NOD2: variants seen among roughly 807,000 people sequenced by gnomAD.
NOD2 encodes nucleotide binding oligomerization domain containing 2, also known as nucleotide-binding oligomerization domain-containing protein 2.
NOD2 carries 86 observed loss-of-function variants against 90.9 expected under a neutral mutation model. The observed-to-expected ratio is 0.95, with a 90% CI of 0.79 to 1.13. NOD2 has a LOEUF of 1.13. Among genes scored for constraint, NOD2 ranks in the 50% most tolerant of loss-of-function variants. NOD2 has a pLI of 0.00. For missense variants in NOD2, 1,238 were observed against 1,283.8 expected (o/e 0.96, Z 0.55); for synonymous variants, 581 against 554.6 (o/e 1.05, Z -0.67).
In NOD2 at chr16:50,732,454, C is replaced by T. The variant is rs1458525877; in HGVS notation, c.*635C>T. On this transcript the variant is annotated 3_prime_UTR_variant, in exon 12 of 12. Transcript: ENST00000647318. Reference sequence around the variant, plus strand: ...AGGGTGGGAAGGGCTACACCTTAGCCTGCCCTCCTTTCCGGTGTTTAAGAC... The same window carrying T: ...AGGGTGGGAAGGGCTACACCTTAGCTTGCCCTCCTTTCCGGTGTTTAAGAC... 1 of 156,008 alleles carries T rather than the reference C, an allele frequency of 6.4e-6. No individual in the cohort carries two copies. Among genetic ancestry groups the T allele is most frequent in the African/African-American group, 2.4e-5 (1 of 41,474 alleles). The allele number at this position is 156,008 out of a possible 1,614,324, so 9.7% of individuals were successfully genotyped here. A position where few individuals can be genotyped will look rare whatever the true frequency, so the allele number is the denominator to read the frequency against.
chr16:50,711,066 G>T lies in NOD2; in HGVS notation c.1074G>T (p.Lys358Asn). 6.2e-7 allele frequency: 1 copy of T among 1,614,190 alleles called. No individual in the cohort carries two copies. The highest frequency in any genetic ancestry group is 8.5e-7 in the Non-Finnish European group (1 of 1,180,024). ...CCTTTGATGGCTTTGACGAGTTCAA[G>T]TTCAGGTTCACGGATCGTGAACGCC... ...LLTFDGFDEF[K>N]FRFTDRERHC... Residue 358 changes from lysine (K) to asparagine (N), a missense_variant, in exon 4 of 12, where the codon AAG (lysine) becomes AAT (asparagine). Around this residue, in one of 3 missense-constraint regions of NOD2, gnomAD observed 567 missense variants for 577.3 expected, o/e 0.98. Transcript: ENST00000647318.
chr16:50,705,145 T>C (rs1026058527), intron 2 of NOD2, among the ~76,000 whole-genome samples: 2 of 152,258 alleles, frequency 1.3e-5, no homozygotes, highest in Admixed American at 1.3e-4. Flanking sequence ...AGCTCTATCT[T>C]TAAACTCTTG....
At chr16:50,731,702 TAATTTTGTCCTCAC>T in intron 11 of NOD2, 31 bp from the exon 12 acceptor site, 2 of 1,347,170 alleles carry the variant, frequency 1.5e-6, no homozygotes, top group Non-Finnish European at 2.1e-6. Flanking sequence ...AGCCCTGCTC[TAATTTTGTCCTCAC>T]TCAAACCTCT....
intron 2 of NOD2, among the ~76,000 whole-genome samples, chr16:50,701,594 C>T (rs1963941270): frequency 1.3e-5 from 2 of 152,206 alleles, no homozygotes; most frequent in South Asian, 4.1e-4. Flanking sequence ...GGAATTGAAT[C>T]AGCCCATCTG....
chr16:50,727,499 C>A, intron 10 of NOD2: 1 of 234,142 alleles, frequency 4.3e-6, no homozygotes, highest in Non-Finnish European at 8.6e-6. Context: ...TTTGTTTATT[C>A]CTGTAGCATA....
intron 3 of NOD2, among the ~76,000 whole-genome samples, chr16:50,708,455 C>T (rs1054415607): frequency 2.6e-5 from 4 of 152,092 alleles, no homozygotes; most frequent in African/African-American, 9.7e-5. Context: ...ACATACCAGG[C>T]ATCCTGCCAG....
chr16:50,731,201 A>G (rs1236369986), intron 11 of NOD2, among the ~76,000 whole-genome samples: 2 of 152,172 alleles, frequency 1.3e-5, no homozygotes, highest in African/African-American at 2.4e-5. Flanking sequence ...TCAAAAATCT[A>G]TGCTGTGATG....
At position 50,699,646 on chromosome 16, in the gene NOD2, G is replaced by A; in HGVS notation, c.151G>A (p.Gly51Ser). 2 of 1,614,102 alleles carry A rather than the reference G, an allele frequency of 1.2e-6. No homozygotes were observed. The highest frequency in any genetic ancestry group is 1.1e-5 in the South Asian group (1 of 91,084). ...GGACTACGAGGGCTTCCACCTCCTG[G>A]GCCAGCCTCTCTCCCACTTGGCCAG... ...WEDYEGFHLL[G>S]QPLSHLARRL... is the part of the protein sequence containing the mutation. The change falls in exon 2 of 12, where the codon GGC becomes AGC. Residue 51 changes from glycine (G) to serine (S), a missense_variant. Coordinates refer to ENST00000647318, the MANE Select transcript of NOD2 (RefSeq NM_001370466.1).
In NOD2 at chr16:50,711,322, C is replaced by T. The variant is rs1078327; in HGVS notation, c.1330C>T (p.Arg444Cys). The change falls in exon 4 of 12, where the codon CGC becomes TGC. Residue 444 changes from arginine (R) to cysteine (C), a missense_variant. Around this residue, in one of 3 missense-constraint regions of NOD2, gnomAD observed 567 missense variants for 577.3 expected, o/e 0.98. Transcript: ENST00000647318. ...GCCCGGGGTGGCGGACCGCCTCATC[C>T]GCCTGCTCCAAGAGACCTCAGCCCT... is the stretch of plus-strand genomic sequence containing the variant. ...HEPGVADRLI[R>C]LLQETSALHG... 997 of 1,613,704 alleles carry T rather than the reference C, an allele frequency of 6.2e-4. 11 individuals are homozygous for T. In the East Asian group the frequency reaches 0.016, roughly 26 times the overall value.
rs745540141 is a variant in NOD2 at position 50,711,154 on chromosome 16, C to G, written c.1162C>G (p.Leu388Val). The G allele has an allele frequency of 1.9e-6, 3 of 1,614,168 alleles. No individual in the cohort carries two copies. In the South Asian group the frequency reaches 3.3e-5, roughly 18 times the overall value. ...GCTCTTCAACCTTCTGCAGGGCAAC[C>G]TGCTGAAGAATGCCCGCAAGGTGGT... ...TLLFNLLQGNLLKNARKVVTS... is the reference protein window; with the variant it reads ...TLLFNLLQGNVLKNARKVVTS... Residue 388 changes from leucine to valine, a missense_variant, in exon 4 of 12, where the codon CTG becomes GTG. Transcript: ENST00000647318.
At chr16:50,723,736 TA>T (rs1286266139) in intron 9 of NOD2, among the ~76,000 whole-genome samples, 1 of 152,126 alleles carries the variant, frequency 6.6e-6, no homozygotes, top group African/African-American at 2.4e-5. Flanking sequence ...AAAATGAGGG[TA>T]AGAATACTTC....
chr16:50,705,886 C>G (rs183104943), intron 2 of NOD2, among the ~76,000 whole-genome samples: 34 of 152,120 alleles, frequency 2.2e-4, no homozygotes, highest in African/African-American at 8.2e-4. Context: ...AAATCTTTGT[C>G]TTGGAAATAC....
Position 50,712,192 on chromosome 16 carries a change from G to A in NOD2, c.2200G>A (p.Gly734Ser). The A allele has an allele frequency of 6.2e-7, 1 of 1,613,936 alleles. No homozygotes were observed. The highest frequency in any genetic ancestry group is 8.5e-7 in the Non-Finnish European group (1 of 1,180,046). ...GCGGCTGGCTCGGAAGGCTGCACGT[G>A]GCCTGAATGTTGGGCACCTCAAGTT... ...EERLARKAAR[G>S]LNVGHLKLTF... The change falls in exon 4 of 12, where the codon GGC (glycine) becomes AGC (serine). Residue 734 changes from glycine (G) to serine (S), a missense_variant. Coordinates refer to ENST00000647318, the MANE Select transcript of NOD2 (RefSeq NM_001370466.1).
At position 50,711,530 on chromosome 16, in the gene NOD2, T is replaced by C; in HGVS notation, c.1538T>C (p.Leu513Pro). 1 of 1,613,056 alleles carries C rather than the reference T, an allele frequency of 6.2e-7. No homozygotes were observed. Among genetic ancestry groups the C allele is most frequent in the African/African-American group, 1.3e-5 (1 of 75,060 alleles). The change falls in exon 4 of 12, where the codon CTT (leucine) becomes CCT (proline). Residue 513 changes from leucine to proline, a missense_variant. Physicochemically the swap from Leu to Pro is moderately conservative, Grantham distance 98. Transcript: ENST00000647318. ...TCCCAAGGTCTGGGACCCAGTCTTC[T>C]TCGGGGCCGCCTCCCCACCCTCCTG... ...SASQGLGPSL[L>P]RGRLPTLLHL...
intron 2 of NOD2, among the ~76,000 whole-genome samples, chr16:50,704,532 CT>C (rs71715899): frequency 0.015 from 2,195 of 145,558 alleles, 43 homozygotes; most frequent in African/African-American, 0.051. Flanking sequence ...ATTCCAAAAC[CT>C]TTTTTTTTTT....
intron 2 of NOD2, among the ~76,000 whole-genome samples, chr16:50,705,895 A>G (rs941642471): frequency 8.5e-5 from 13 of 152,228 alleles, no homozygotes; most frequent in African/African-American, 2.9e-4. Context: ...TCTTGGAAAT[A>G]CACACACTCC....
In NOD2 at chr16:50,694,934, G is replaced by A. The variant is rs540486962; in HGVS notation, c.-9+1272G>A. ...AAGCAGGATGGGGTGCTGGGGCTGG[G>A]TATTGCATTGTATATAGCACAACCA... is the stretch of plus-strand genomic sequence containing the variant. On this transcript the variant is annotated intron_variant, in intron 1 of 11. Transcript: ENST00000647318. 5.9e-5 allele frequency among the ~76,000 whole-genome samples: 9 copies of A among 152,256 alleles called. No homozygotes were observed. In the South Asian group the frequency reaches 6.2e-4, roughly 11 times the overall value.
At chr16:50,703,425 G>A (rs1343471390) in intron 2 of NOD2, among the ~76,000 whole-genome samples, 1 of 152,044 alleles carries the variant, frequency 6.6e-6, no homozygotes, top group Non-Finnish European at 1.5e-5. Context: ...GGATCACAAG[G>A]TCAGGAGATC....
intron 4 of NOD2, chr16:50,712,878 G>C: frequency 5.5e-6 from 1 of 180,846 alleles, no homozygotes; most frequent in South Asian, 1.0e-4. Flanking sequence ...GAGGTGACTT[G>C]TGCCCCATCA....
Sources: gnomAD v4.1 joint callset for allele counts (sites outside exome capture counted in the v4.1 genomes callset) on GRCh38, gnomAD v4.1.1 for gene constraint, gnomAD v4.1.1 regional missense constraint, MANE v1.5 for transcripts, NCBI Gene and HGNC (gene_info 2026-07-23, HGNC 2026-07-21) for gene names.